MAPK8: variants seen among roughly 807,000 people sequenced by gnomAD.
The protein encoded by MAPK8 is mitogen-activated protein kinase 8.
A neutral mutation model predicts 52.9 loss-of-function variants in MAPK8; 13 were observed. The ratio of observed to expected loss-of-function variants is 0.25; its 90% CI spans 0.16 to 0.39. The LOEUF is 0.39. MAPK8 is among the 10% of genes least tolerant of loss of function. The pLI is 1.00. For missense variants in MAPK8, 300 were observed against 519.2 expected (o/e 0.58, Z 4.10); for synonymous variants, 191 against 169.8 (o/e 1.12, Z -0.97).
At chr10:48,416,358 A>G (rs2043064479) in intron 5 of MAPK8, among the ~76,000 whole-genome samples, 1 of 152,210 alleles carries the variant, frequency 6.6e-6, no homozygotes, top group African/African-American at 2.4e-5. Context: ...AGCTAGCCAT[A>G]GACTTGCTTA....
chr10:48,346,634 C>T (rs992427627), intron 1 of MAPK8, among the ~76,000 whole-genome samples: 1 of 152,134 alleles, frequency 6.6e-6, no homozygotes, highest in Non-Finnish European at 1.5e-5. Flanking sequence ...ATCAGTCAGG[C>T]TCTCCCACAG....
chr10:48,333,994 C>G (rs543139612), intron 1 of MAPK8, among the ~76,000 whole-genome samples: 1 of 152,080 alleles, frequency 6.6e-6, no homozygotes, highest in African/African-American at 2.4e-5. Context: ...CACCCACCAC[C>G]CGCTGAGCTG....
At chr10:48,409,625 A>AC (rs2042643474) in intron 3 of MAPK8, among the ~76,000 whole-genome samples, 1 of 152,218 alleles carries the variant, frequency 6.6e-6, no homozygotes, top group Non-Finnish European at 1.5e-5. Flanking sequence ...TAAGTGCTTG[A>AC]TAATTGACTG....
intron 1 of MAPK8, among the ~76,000 whole-genome samples, chr10:48,341,564 A>T (rs1055669491): frequency 3.3e-5 from 5 of 152,346 alleles, no homozygotes; most frequent in South Asian, 4.1e-4. Context: ...AAGCTATAGT[A>T]GATTTCATTT....
At chr10:48,325,000 G>A (rs1236732166) in intron 1 of MAPK8, among the ~76,000 whole-genome samples, 1 of 148,614 alleles carries the variant, frequency 6.7e-6, no homozygotes, top group Non-Finnish European at 1.5e-5. Flanking sequence ...TTTTGAGATG[G>A]AGTCTTGCTC....
intron 5 of MAPK8, among the ~76,000 whole-genome samples, chr10:48,415,444 A>C (rs2043012632): frequency 6.6e-6 from 1 of 152,246 alleles, no homozygotes; most frequent in African/African-American, 2.4e-5. Flanking sequence ...AACAAACACA[A>C]AATTACAAAA....
At chr10:48,326,140 T>G (rs1843499585) in intron 1 of MAPK8, among the ~76,000 whole-genome samples, 1 of 152,244 alleles carries the variant, frequency 6.6e-6, no homozygotes, top group East Asian at 1.9e-4. Flanking sequence ...GTCCTGCTTC[T>G]TGATGGCAGA....
rs1467056910 is a variant in MAPK8, at chr10:48,439,322, TTAAA to T, written c.*4298_*4301del. On this transcript the variant is annotated 3_prime_UTR_variant, in exon 12 of 12. Coordinates refer to ENST00000374189, the MANE Select transcript of MAPK8 (RefSeq NM_001323329.2). ...TAGTATGTCAATTGGTTATAATATT[TTAAA>T]TAAAAAAGAAAAAAGTGGTATGAAA... The T allele has an allele frequency of 1.3e-5, 2 of 150,060 alleles. No individual in the cohort carries two copies. The highest frequency in any genetic ancestry group is 3.0e-5 in the Non-Finnish European group (2 of 67,730). 9.3% of individuals were successfully genotyped at this position (150,060 alleles called of 1,614,324 possible). A position where few individuals can be genotyped will look rare whatever the true frequency, so the allele number is the denominator to read the frequency against.
At chr10:48,424,955 A>G (rs1438796718) in intron 7 of MAPK8, among the ~76,000 whole-genome samples, 5 of 151,094 alleles carry the variant, frequency 3.3e-5, no homozygotes, top group Admixed American at 2.0e-4. Context: ...TTTGTCCCCT[A>G]CCTCCTTTTT....
chr10:48,324,303 C>T (rs988274008), intron 1 of MAPK8, among the ~76,000 whole-genome samples: 1 of 152,072 alleles, frequency 6.6e-6, no homozygotes, highest in African/African-American at 2.4e-5. Context: ...AAGGTGTTTT[C>T]GTGCATGGAT....
intron 1 of MAPK8, among the ~76,000 whole-genome samples, chr10:48,337,857 A>T (rs1359586453): frequency 6.6e-6 from 1 of 152,196 alleles, no homozygotes; most frequent in Non-Finnish European, 1.5e-5. Flanking sequence ...GAGGAAATAG[A>T]TAAACATCTG....
intron 11 of MAPK8, 116 bp from the exon 12 acceptor site, chr10:48,434,768 G>A: frequency 1.3e-6 from 1 of 775,978 alleles, no homozygotes; most frequent in Non-Finnish European, 1.9e-6. Flanking sequence ...ATTATTTTTA[G>A]TGAGCCTTCG....
At chr10:48,346,548 C>T (rs1456150123) in intron 1 of MAPK8, among the ~76,000 whole-genome samples, 5 of 152,082 alleles carry the variant, frequency 3.3e-5, no homozygotes, top group Admixed American at 1.3e-4. Flanking sequence ...GACTGGGAAG[C>T]AGGGGGGAGG....
At chr10:48,419,303 A>G (rs770037790) in intron 5 of MAPK8, among the ~76,000 whole-genome samples, 10 of 152,196 alleles carry the variant, frequency 6.6e-5, no homozygotes, top group Non-Finnish European at 1.2e-4. Context: ...ATGTCAGTAC[A>G]GGTAATACAG....
chr10:48,310,983 G>T (rs1841927950), intron 1 of MAPK8, among the ~76,000 whole-genome samples: 1 of 136,574 alleles, frequency 7.3e-6, no homozygotes, highest in Admixed American at 7.7e-5. Flanking sequence ...TTTAAGGTCA[G>T]CCCTGAGTTC....
At chr10:48,329,772 A>G (rs1176434595) in intron 1 of MAPK8, among the ~76,000 whole-genome samples, 4 of 152,196 alleles carry the variant, frequency 2.6e-5, no homozygotes, top group Non-Finnish European at 1.5e-5. Flanking sequence ...GTGTTAACAT[A>G]GGGTCCATTG....
intron 1 of MAPK8, among the ~76,000 whole-genome samples, chr10:48,399,894 C>T (rs1054262657): frequency 6.6e-6 from 1 of 152,180 alleles, no homozygotes; most frequent in East Asian, 1.9e-4. Flanking sequence ...TTGTGCTCAG[C>T]CTCTGCTCAT....
chr10:48,399,012 GT>G (rs933471351), intron 1 of MAPK8, among the ~76,000 whole-genome samples: 1 of 152,032 alleles, frequency 6.6e-6, no homozygotes, highest in African/African-American at 2.4e-5. Flanking sequence ...CATTCGATTT[GT>G]TTTTTTCTGC....
chr10:48,360,374 G>GT (rs1306640123), intron 1 of MAPK8, among the ~76,000 whole-genome samples: 2 of 152,180 alleles, frequency 1.3e-5, no homozygotes, highest in South Asian at 4.2e-4. Flanking sequence ...TGGAAAATTG[G>GT]TTTTTTTATC....
Sources: allele counts gnomAD v4.1 joint callset (sites outside exome capture counted in the v4.1 genomes callset), GRCh38; gene constraint gnomAD v4.1.1; transcripts MANE v1.5; gene names NCBI Gene and HGNC (gene_info 2026-07-23, HGNC 2026-07-21).